The following VPS33B variants were observed in gnomAD, a reference collection of about 807,000 sequenced individuals.
VPS33B encodes vacuolar protein sorting-associated protein 33B.
A neutral mutation model predicts 95.3 loss-of-function variants in VPS33B; 80 were observed. The observed-to-expected ratio is 0.84, with a 90% confidence interval of 0.70 to 1.01. The LOEUF (loss-of-function observed/expected upper bound fraction) is 1.01, where lower values mean the gene tolerates loss of function less well. Among genes scored for constraint, VPS33B ranks in the 50% least tolerant of loss-of-function variants. The pLI, the probability that VPS33B is intolerant of heterozygous loss-of-function variation, is 0.00. For synonymous variants in VPS33B, 280 were observed against 280.4 expected (o/e 1.00, Z 0.01); for missense variants, 715 against 773.4 (o/e 0.92, Z 0.90).
Position 91,015,547 on chromosome 15 carries a change from G to A in VPS33B, c.240-1114C>T, listed in dbSNP as rs924682232. On this transcript the variant is annotated intron_variant, in intron 3 of 22. Transcript: ENST00000333371. The surrounding 1 kb of genome is among the most constrained non-coding windows in gnomAD (Gnocchi z 4.7). ...ATACAAAAATTAGCTGGGCAAGGTG[G>A]CAGGCGCCTGTAATCACAGCTACTT... 2.6e-5 allele frequency among the ~76,000 whole-genome samples: 4 copies of A among 152,096 alleles called. No individual in the cohort carries two copies. The highest frequency in any genetic ancestry group is 5.9e-5 in the Non-Finnish European group (4 of 67,996).
intron 16 of VPS33B, among the ~76,000 whole-genome samples, chr15:91,004,635 C>CCTGCAGTCCT (rs1429534823): frequency 6.6e-6 from 1 of 152,120 alleles, no homozygotes; most frequent in Non-Finnish European, 1.5e-5. Context: ...GCTCTGCACC[C>CCTGCAGTCCT]CTGCAGTCCT....
Position 91,015,235 on chromosome 15 carries a change from C to A in VPS33B, c.240-802G>T, listed in dbSNP as rs1165386049. Among the ~76,000 whole-genome samples the A allele has an allele frequency of 6.6e-6, 1 of 152,040 alleles. No homozygotes were observed. Among genetic ancestry groups the A allele is most frequent in the African/African-American group, 2.4e-5 (1 of 41,374 alleles). On this transcript the variant is annotated intron_variant, in intron 3 of 22. Coordinates refer to ENST00000333371, the MANE Select transcript of VPS33B (RefSeq NM_018668.5). This position sits in a 1 kb window ranked among gnomAD's most constrained non-coding sequence, Gnocchi z 4.7. ...TCTGTAATCCCAGCTACGCAGGAGG[C>A]TGAGGCAGGAGAATCGCTTGAACCC...
rs1337366868 is a variant in VPS33B at position 91,015,665 on chromosome 15, T to A, written c.240-1232A>T. Among the ~76,000 whole-genome samples the A allele has an allele frequency of 1.3e-5, 2 of 151,590 alleles. No individual in the cohort carries two copies. Among genetic ancestry groups the A allele is most frequent in the Non-Finnish European group, 1.5e-5 (1 of 67,884 alleles). ...AGAGTTAGACTCCTACTCAAAAAAATAAAATAAAATAAAACTATAGGCGGA... is the reference window on the plus strand; with the variant it reads ...AGAGTTAGACTCCTACTCAAAAAAAAAAAATAAAATAAAACTATAGGCGGA... On this transcript the variant is annotated intron_variant, in intron 3 of 22. Coordinates refer to ENST00000333371, the MANE Select transcript of VPS33B (RefSeq NM_018668.5). The surrounding 1 kb of genome is among the most constrained non-coding windows in gnomAD (Gnocchi z 4.7).
At position 91,006,529 on chromosome 15, in the gene VPS33B, C is replaced by G; in HGVS notation, c.779-84G>C. 6.2e-7 allele frequency: 1 copy of G among 1,610,410 alleles called. No homozygotes were observed. The highest frequency in any genetic ancestry group is 8.5e-7 in the Non-Finnish European group (1 of 1,176,662). ...CTGAACTGCCATAAAGGTCCTCAAA[C>G]TATTTGGAAGCCAGCAGTTCATTCA... is the stretch of plus-strand genomic sequence containing the variant. On this transcript the variant is annotated intron_variant, in intron 10 of 22. Transcript: ENST00000333371. The surrounding 1 kb of genome is among the most constrained non-coding windows in gnomAD (Gnocchi z 5.4).
chr15:91,021,024 T>TA (rs772820698), intron 1 of VPS33B, among the ~76,000 whole-genome samples: 2 of 152,232 alleles, frequency 1.3e-5, no homozygotes, highest in African/African-American at 2.4e-5. Context: ...CTATATTTCT[T>TA]ACGGGCATCT....
chr15:90,999,829 C>T lies in VPS33B; in HGVS notation c.1658-36G>A, dbSNP rs115092755. Reference sequence around the variant, plus strand: ...CAGACCAGATTCAGCCCTTCCCTGACATGCTAGTCCTGAGTGGTGCATCCA... The same window carrying T: ...CAGACCAGATTCAGCCCTTCCCTGATATGCTAGTCCTGAGTGGTGCATCCA... On this transcript the variant is annotated intron_variant, in intron 21 of 22. Transcript: ENST00000333371. The surrounding 1 kb of genome is among the most constrained non-coding windows in gnomAD (Gnocchi z 5.1). The T allele has an allele frequency of 8.5e-4, 1,376 of 1,614,076 alleles. 16 individuals are homozygous for T. The African/African-American group carries it at 0.017, about 20-fold the overall frequency.
rs1391992605 is a variant in VPS33B, at chr15:91,002,987, TGGAGGCAGGAAA to T, written c.1272+86_1272+97del. On this transcript the variant is annotated intron_variant, in intron 17 of 22. Coordinates refer to ENST00000333371, the MANE Select transcript of VPS33B (RefSeq NM_018668.5). The surrounding 1 kb of genome is among the most constrained non-coding windows in gnomAD (Gnocchi z 4.7). ...GGCCTGAATGGAAACAGGAGGGTAA[TGGAGGCAGGAAA>T]GGGGCCACTTCTCTTGCCTCTTTCA... The T allele has an allele frequency of 4.6e-6, 6 of 1,309,664 alleles. No individual in the cohort carries two copies. Among genetic ancestry groups the T allele is most frequent in the Non-Finnish European group, 6.6e-6 (6 of 902,964 alleles). The allele number at this position is 1,309,664 out of a possible 1,614,324, so 81.1% of individuals were successfully genotyped here.
rs771512093 is a variant in VPS33B, at chr15:91,018,416, C to A, written c.97-531G>T. Among the ~76,000 whole-genome samples, 2 of 152,136 alleles carry A rather than the reference C, an allele frequency of 1.3e-5. No individual in the cohort carries two copies. The highest frequency in any genetic ancestry group is 2.4e-5 in the African/African-American group (1 of 41,412). ...ATTCCTGCACCACCACTCCTGACAC[C>A]GATCTCAATGTCTGTTCAGAGGAAG... On this transcript the variant is annotated intron_variant, in intron 1 of 22. Coordinates refer to ENST00000333371, the MANE Select transcript of VPS33B (RefSeq NM_018668.5). The surrounding 1 kb of genome is among the most constrained non-coding windows in gnomAD (Gnocchi z 4.7).
Position 91,013,898 on chromosome 15 carries a change from C to G in VPS33B, c.290-27G>C. 1 of 1,613,614 alleles carries G rather than the reference C, an allele frequency of 6.2e-7. No homozygotes were observed. The highest frequency in any genetic ancestry group is 8.5e-7 in the Non-Finnish European group (1 of 1,179,580). ...TACAGAGAGAAGGAATGCAGCCCAG[C>G]AAGTCATGGGCCATCTGTTATGCTA... is the stretch of plus-strand genomic sequence containing the variant. On this transcript the variant is annotated intron_variant, in intron 4 of 22. Coordinates refer to ENST00000333371, the MANE Select transcript of VPS33B (RefSeq NM_018668.5). This position sits in a 1 kb window ranked among gnomAD's most constrained non-coding sequence, Gnocchi z 4.5.
rs920597742 is a variant in VPS33B at position 91,015,290 on chromosome 15, C to T, written c.240-857G>A. Among the ~76,000 whole-genome samples, 2 of 152,036 alleles carry T rather than the reference C, an allele frequency of 1.3e-5. No homozygotes were observed. The highest frequency in any genetic ancestry group is 1.5e-5 in the Non-Finnish European group (1 of 68,006). ...GGTGGAGGTTACAGTGAGCCCAGAT[C>T]GCGCCATTGCTCTCCAGCCTGGATG... On this transcript the variant is annotated intron_variant, in intron 3 of 22. Coordinates refer to ENST00000333371, the MANE Select transcript of VPS33B (RefSeq NM_018668.5). The surrounding 1 kb of genome is among the most constrained non-coding windows in gnomAD (Gnocchi z 4.7).
chr15:91,015,863 A>G lies in VPS33B; in HGVS notation c.239+1100T>C, dbSNP rs2040909705. Among the ~76,000 whole-genome samples, 1 of 151,844 alleles carries G rather than the reference A, an allele frequency of 6.6e-6. No individual in the cohort carries two copies. Among genetic ancestry groups the G allele is most frequent in the Non-Finnish European group, 1.5e-5 (1 of 68,022 alleles). On this transcript the variant is annotated intron_variant, in intron 3 of 22. Coordinates refer to ENST00000333371, the MANE Select transcript of VPS33B (RefSeq NM_018668.5). The surrounding 1 kb of genome is among the most constrained non-coding windows in gnomAD (Gnocchi z 4.7). ...AATAAATTTAATTAAAAAAATTTAA[A>G]TATAAGAAAGTAATAGAAAATATTT...
At position 90,998,690 on chromosome 15, in the gene VPS33B, G is replaced by C. The variant is rs1301108046; in HGVS notation, c.*285C>G. 5 of 494,386 alleles carry C rather than the reference G, an allele frequency of 1.0e-5. No individual in the cohort carries two copies. The highest frequency in any genetic ancestry group is 1.9e-5 in the Non-Finnish European group (5 of 270,072). 30.6% of individuals were successfully genotyped at this position (494,386 alleles called of 1,614,324 possible). The stretch of plus-strand genomic sequence containing the variant: ...CCAACGTATTACATCTGAGAGCAGA[G>C]GCTTTATTTACAATGACATTCAAAC... On this transcript the variant is annotated 3_prime_UTR_variant, in exon 23 of 23. Transcript: ENST00000333371. This position sits in a 1 kb window ranked among gnomAD's most constrained non-coding sequence, Gnocchi z 4.8.
rs2040994559 is a variant in VPS33B at position 91,018,064 on chromosome 15, C to T, written c.97-179G>A. ...CAGTTGACACTTCTCTGTATATTTA[C>T]CTATTTTGCCTTCTCGTTTTCTGTA... On this transcript the variant is annotated intron_variant, in intron 1 of 22. Coordinates refer to ENST00000333371, the MANE Select transcript of VPS33B (RefSeq NM_018668.5). This position sits in a 1 kb window ranked among gnomAD's most constrained non-coding sequence, Gnocchi z 4.7. The T allele has an allele frequency of 3.1e-6, 2 of 646,384 alleles. No homozygotes were observed. The highest frequency in any genetic ancestry group is 5.6e-6 in the Non-Finnish European group (2 of 359,246). The allele number at this position is 646,384 out of a possible 1,614,324, so 40.0% of individuals were successfully genotyped here. A position where few individuals can be genotyped will look rare whatever the true frequency, so the allele number is the denominator to read the frequency against.
Position 91,007,488 on chromosome 15 carries a change from C to A in VPS33B, c.584G>T (p.Gly195Val). The A allele has an allele frequency of 6.2e-7, 1 of 1,614,206 alleles. No individual in the cohort carries two copies. Among genetic ancestry groups the A allele is most frequent in the Non-Finnish European group, 8.5e-7 (1 of 1,180,042 alleles). The change falls in exon 8 of 23, where the codon GGA becomes GTA. Residue 195 changes from glycine to valine, a missense_variant. Physicochemically the swap from Gly to Val is moderately radical, Grantham distance 109. Transcript: ENST00000333371. The surrounding 1 kb of genome is among the most constrained non-coding windows in gnomAD (Gnocchi z 5.3). Reference sequence around the variant, plus strand: ...TCTTACCTTGGCGCACCTGCCAATTCCATAGCAGTTTGGAAAGGGTCCATA... The same window carrying A: ...TCTTACCTTGGCGCACCTGCCAATTACATAGCAGTTTGGAAAGGGTCCATA... ...TLYGPFPNCY[G>V]IGRCAKMAYE...
Position 90,999,629 on chromosome 15 carries a change from T to TGCCC in VPS33B, c.1774+47_1774+48insGGGC, listed in dbSNP as rs2040375092. The stretch of plus-strand genomic sequence containing the variant: ...CCACCGTGCCCAGCTGACACTTTGT[T>TGCCC]ACCCAGATACAATGCAGGCCAATTC... On this transcript the variant is annotated intron_variant, in intron 22 of 22. Transcript: ENST00000333371. This position sits in a 1 kb window ranked among gnomAD's most constrained non-coding sequence, Gnocchi z 5.1. The TGCCC allele has an allele frequency of 6.3e-7, 1 of 1,596,342 alleles. No individual in the cohort carries two copies. Among genetic ancestry groups the TGCCC allele is most frequent in the Non-Finnish European group, 8.6e-7 (1 of 1,164,620 alleles).
Position 91,000,708 on chromosome 15 carries a change from C to T in VPS33B, c.1480-117G>A. The T allele has an allele frequency of 3.5e-6, 3 of 857,556 alleles. No individual in the cohort carries two copies. The highest frequency in any genetic ancestry group is 5.6e-6 in the Non-Finnish European group (3 of 535,318). The allele number at this position is 857,556 out of a possible 1,614,324, so 53.1% of individuals were successfully genotyped here. ...TTCTTATTTCAACTAAAGGGAGAACCAGCAATAGCCCTGAAAAGAGAATCC... is the reference window on the plus strand; with the variant it reads ...TTCTTATTTCAACTAAAGGGAGAACTAGCAATAGCCCTGAAAAGAGAATCC... On this transcript the variant is annotated intron_variant, in intron 19 of 22. Transcript: ENST00000333371. This position sits in a 1 kb window ranked among gnomAD's most constrained non-coding sequence, Gnocchi z 4.9.
Position 91,013,779 on chromosome 15 carries a change from C to T in VPS33B, c.357+25G>A. On this transcript the variant is annotated intron_variant, in intron 5 of 22. Coordinates refer to ENST00000333371, the MANE Select transcript of VPS33B (RefSeq NM_018668.5). The surrounding 1 kb of genome is among the most constrained non-coding windows in gnomAD (Gnocchi z 4.5). ...TCCTCAGTCCTGTTCTACCTTATCC[C>T]ACTTCCTCCAGGATCCAAACTCACC... 6.2e-7 allele frequency: 1 copy of T among 1,613,914 alleles called. No homozygotes were observed. The highest frequency in any genetic ancestry group is 8.5e-7 in the Non-Finnish European group (1 of 1,179,868).
chr15:91,001,662 C>T (rs1377223669), intron 18 of VPS33B, among the ~76,000 whole-genome samples, 200 bp from the exon 19 acceptor site: 2 of 152,178 alleles, frequency 1.3e-5, no homozygotes, highest in Non-Finnish European at 2.9e-5. Flanking sequence ...CTACGGGGTA[C>T]CAGCTCTCTA....
intron 16 of VPS33B, among the ~76,000 whole-genome samples, chr15:91,003,728 G>A (rs780279636): frequency 5.3e-5 from 8 of 152,088 alleles, no homozygotes; most frequent in African/African-American, 4.8e-5. Flanking sequence ...ATGAGCCACC[G>A]CACCTGGCAG....
Sources: allele counts gnomAD v4.1 joint callset (sites outside exome capture counted in the v4.1 genomes callset), GRCh38; gene constraint gnomAD v4.1.1; non-coding constraint Gnocchi (gnomAD v3.1); transcripts MANE v1.5; gene names NCBI Gene and HGNC (gene_info 2026-07-23, HGNC 2026-07-21).